The following NCOA1 variants were observed in gnomAD, a reference collection of about 807,000 sequenced individuals.
The protein encoded by NCOA1 is Hin-2 protein.
Under a neutral mutation model 150.9 loss-of-function variants are expected in NCOA1, and 35 were observed. The observed-to-expected ratio is 0.23, with a 90% confidence interval of 0.18 to 0.31. The LOEUF (loss-of-function observed/expected upper bound fraction) is 0.31. Among genes scored for constraint, NCOA1 ranks in the 10% least tolerant of loss-of-function variants. The pLI is 1.00. For synonymous variants in NCOA1, 590 were observed against 630.0 expected, an observed-to-expected ratio of 0.94 and a Z score of 0.95; for missense variants, 1,491 against 1,749.3, an observed-to-expected ratio of 0.85 and a Z score of 2.63.
At chr2:24,517,000 G>GTATATATA (rs1558758787) in intron 1 of NCOA1, among the ~76,000 whole-genome samples, 62 of 24,246 alleles carry the variant, frequency 2.6e-3, no homozygotes, top group Admixed American at 7.9e-3. Context: ...ATATACACAC[G>GTATATATA]CGCGCACACA....
rs1018060411 is a variant in NCOA1, at chr2:24,728,595, T to C, written c.2886+119T>C. 1.3e-5 allele frequency: 10 copies of C among 770,712 alleles called. No homozygotes were observed. In the African/African-American group the frequency reaches 1.8e-4, roughly 14 times the overall value. The allele number at this position is 770,712 out of a possible 1,614,324, so 47.7% of individuals were successfully genotyped here. A position where few individuals can be genotyped will look rare whatever the true frequency, so the allele number is the denominator to read the frequency against. ...CTTTAGCTGTTTTATAATTTACCTC[T>C]TGTGAAACTTATCAAAATATATGAG... On this transcript the variant is annotated intron_variant, in intron 16 of 22. Coordinates refer to ENST00000348332, the MANE Select transcript of NCOA1 (RefSeq NM_003743.5).
intron 1 of NCOA1, among the ~76,000 whole-genome samples, chr2:24,519,167 A>G (rs1220524998): frequency 6.6e-6 from 1 of 152,252 alleles, no homozygotes; most frequent in Non-Finnish European, 1.5e-5. Flanking sequence ...GAATAGATTC[A>G]TTCACATATG....
intron 3 of NCOA1, among the ~76,000 whole-genome samples, chr2:24,602,922 G>C (rs1392032744): frequency 6.6e-6 from 1 of 152,132 alleles, no homozygotes; most frequent in Non-Finnish European, 1.5e-5. Flanking sequence ...AATTTTGACT[G>C]TTATGCTCTT....
chr2:24,582,226 T>C (rs1229883323), intron 2 of NCOA1, among the ~76,000 whole-genome samples: 1 of 152,094 alleles, frequency 6.6e-6, no homozygotes, highest in African/African-American at 2.4e-5. Context: ...TCCACTTTTT[T>C]TAATCAGTTT....
intron 8 of NCOA1, among the ~76,000 whole-genome samples, chr2:24,684,229 G>C (rs17735622): frequency 0.15 from 22,710 of 152,146 alleles, 2,112 homozygotes; most frequent in Non-Finnish European, 0.21. Flanking sequence ...TGTATGGATT[G>C]AACTGAGCTA....
intron 3 of NCOA1, among the ~76,000 whole-genome samples, chr2:24,590,274 CTT>C (rs1167309664): frequency 6.6e-6 from 1 of 152,146 alleles, no homozygotes; most frequent in Non-Finnish European, 1.5e-5. Context: ...ATGTCAGTAT[CTT>C]TTCATAATCA....
intron 8 of NCOA1, among the ~76,000 whole-genome samples, chr2:24,683,677 G>C (rs935671283): frequency 3.3e-5 from 5 of 152,222 alleles, no homozygotes; most frequent in Admixed American, 2.6e-4. Context: ...TTAGGAGTTA[G>C]GGGACTTTTT....
chr2:24,565,581 T>C (rs951976532), intron 2 of NCOA1, among the ~76,000 whole-genome samples: 2 of 152,212 alleles, frequency 1.3e-5, no homozygotes, highest in Non-Finnish European at 2.9e-5. Flanking sequence ...CCTTGGGGTG[T>C]CCTTTCACTG....
intron 15 of NCOA1, among the ~76,000 whole-genome samples, chr2:24,727,598 T>C (rs1662763563): frequency 6.6e-6 from 1 of 152,230 alleles, no homozygotes; most frequent in Non-Finnish European, 1.5e-5. Flanking sequence ...AACTATGAAC[T>C]GTATTCCCAT....
chr2:24,497,881 T>C (rs1423142812), intron 1 of NCOA1, among the ~76,000 whole-genome samples: 1 of 152,250 alleles, frequency 6.6e-6, no homozygotes, highest in East Asian at 1.9e-4. Context: ...AACAAATTGC[T>C]TGGTCATTCT....
At chr2:24,587,045 T>C (rs1364229320) in intron 3 of NCOA1, among the ~76,000 whole-genome samples, 1 of 151,608 alleles carries the variant, frequency 6.6e-6, no homozygotes, top group Non-Finnish European at 1.5e-5. Flanking sequence ...TCAGATGTGC[T>C]GCCTCAGTAG....
chr2:24,717,397 T>C (rs1323174130), intron 14 of NCOA1, among the ~76,000 whole-genome samples: 5 of 152,186 alleles, frequency 3.3e-5, no homozygotes, highest in African/African-American at 1.2e-4. Flanking sequence ...CTGAAAAGGC[T>C]ACACATCCTG....
intron 1 of NCOA1, among the ~76,000 whole-genome samples, chr2:24,506,132 G>C (rs959938732): frequency 6.6e-6 from 1 of 151,856 alleles, no homozygotes; most frequent in African/African-American, 2.4e-5. Flanking sequence ...AAGTGTTCCT[G>C]TTGTTTGTAA....
At chr2:24,718,159 CA>C (rs999038933) in intron 14 of NCOA1, among the ~76,000 whole-genome samples, 1 of 152,114 alleles carries the variant, frequency 6.6e-6, no homozygotes, top group African/African-American at 2.4e-5. Flanking sequence ...CTTGGCTTCC[CA>C]AAGTGCCAGG....
intron 2 of NCOA1, among the ~76,000 whole-genome samples, chr2:24,568,018 A>G (rs796596582): frequency 1.3e-5 from 2 of 152,294 alleles, no homozygotes; most frequent in African/African-American, 4.8e-5. Flanking sequence ...TGCTGGGATT[A>G]CAGGCATGAG....
chr2:24,495,543 C>G (rs1297704601), intron 1 of NCOA1, among the ~76,000 whole-genome samples: 1 of 152,052 alleles, frequency 6.6e-6, no homozygotes, highest in Non-Finnish European at 1.5e-5. Flanking sequence ...TAGCCCTGAC[C>G]TGACCATTAG....
At chr2:24,718,249 G>A (rs985972018) in intron 14 of NCOA1, among the ~76,000 whole-genome samples, 3 of 152,118 alleles carry the variant, frequency 2.0e-5, no homozygotes, top group African/African-American at 7.2e-5. Flanking sequence ...TAAAACTACA[G>A]TGCAATACCA....
At chr2:24,582,563 T>C (rs1487148359) in intron 2 of NCOA1, among the ~76,000 whole-genome samples, 1 of 152,008 alleles carries the variant, frequency 6.6e-6, no homozygotes, top group Non-Finnish European at 1.5e-5. Flanking sequence ...ACAAGCCCTA[T>C]CAAAATACCA....
At chr2:24,699,367 C>A in intron 11 of NCOA1, among the ~76,000 whole-genome samples, 1 of 152,172 alleles carries the variant, frequency 6.6e-6, no homozygotes, top group Non-Finnish European at 1.5e-5. Flanking sequence ...ATAGATGTGA[C>A]TAGGCTACAG....
Sources: gnomAD v4.1 joint callset for allele counts (sites outside exome capture counted in the v4.1 genomes callset) on GRCh38, gnomAD v4.1.1 for gene constraint, MANE v1.5 for transcripts, NCBI Gene and HGNC (gene_info 2026-07-23, HGNC 2026-07-21) for gene names.